DGKB: variants seen among roughly 807,000 people sequenced by gnomAD.
DGKB encodes 90 kDa diacylglycerol kinase.
Under a neutral mutation model 114.3 loss-of-function variants are expected in DGKB, and 67 were observed. That is an observed-to-expected ratio of 0.59 (90% CI 0.48 to 0.72). The LOEUF is 0.72. Ranked by LOEUF, DGKB falls within the 30% of genes least tolerant of loss-of-function variation. The pLI is 0.00. For missense variants in DGKB, 907 were observed against 975.2 expected, an observed-to-expected ratio of 0.93 and a Z score of 0.93; for synonymous variants, 398 against 323.1, an observed-to-expected ratio of 1.23 and a Z score of -2.49.
intron 13 of DGKB, among the ~76,000 whole-genome samples, chr7:14,644,884 C>A (rs1388008345): frequency 6.6e-6 from 1 of 152,078 alleles, no homozygotes; most frequent in Non-Finnish European, 1.5e-5. Flanking sequence ...TTAAAAAGGT[C>A]CTATCGATGG....
chr7:14,919,481 A>T (rs965549502), intron 1 of DGKB, among the ~76,000 whole-genome samples: 11 of 152,190 alleles, frequency 7.2e-5, no homozygotes, highest in Non-Finnish European at 1.3e-4. Flanking sequence ...TTTCACAAAA[A>T]ATAATTCAAA....
chr7:14,227,214 AC>A (rs1790941172), intron 23 of DGKB, among the ~76,000 whole-genome samples: 1 of 152,040 alleles, frequency 6.6e-6, no homozygotes, highest in Non-Finnish European at 1.5e-5. Context: ...ATCCTGATGA[AC>A]TTTTGTTCAA....
intron 13 of DGKB, among the ~76,000 whole-genome samples, chr7:14,636,519 T>C (rs557635787): frequency 2.0e-5 from 3 of 151,870 alleles, no homozygotes; most frequent in Non-Finnish European, 3.0e-5. Context: ...GAAACTTTGC[T>C]ATGTAATGTT....
chr7:14,759,317 A>G (rs1378333742), intron 2 of DGKB, among the ~76,000 whole-genome samples: 3 of 152,166 alleles, frequency 2.0e-5, no homozygotes. Context: ...TTTTTAGCAT[A>G]TTCATGATGT....
intron 20 of DGKB, among the ~76,000 whole-genome samples, chr7:14,481,659 A>G (rs1423715752): frequency 1.3e-5 from 2 of 151,988 alleles, no homozygotes; most frequent in Admixed American, 1.3e-4. Flanking sequence ...CCAAAATCTA[A>G]TTTTAGAATT....
intron 20 of DGKB, among the ~76,000 whole-genome samples, chr7:14,497,347 T>C (rs1785456768): frequency 6.6e-6 from 1 of 151,656 alleles, no homozygotes; most frequent in Non-Finnish European, 1.5e-5. Flanking sequence ...AAATAAAAAT[T>C]TTAAAATAAA....
intron 17 of DGKB, among the ~76,000 whole-genome samples, chr7:14,603,450 C>T (rs1051521637): frequency 2.0e-5 from 3 of 151,832 alleles, no homozygotes; most frequent in South Asian, 2.1e-4. Context: ...AGGTCATAAG[C>T]TCTGATTTTC....
At chr7:14,939,420 T>C (rs36880) in intron 1 of DGKB, among the ~76,000 whole-genome samples, 18,678 of 152,020 alleles carry the variant, frequency 0.12, 1,543 homozygotes, top group Non-Finnish European at 0.19. Flanking sequence ...AAATCCCCTC[T>C]CCTGTTGTGA....
intron 23 of DGKB, among the ~76,000 whole-genome samples, chr7:14,219,758 T>C (rs1789617795): frequency 6.6e-6 from 1 of 151,776 alleles, no homozygotes; most frequent in Non-Finnish European, 1.5e-5. Flanking sequence ...TCCTTTGAAA[T>C]GCAAGTTTTA....
Position 14,937,338 on chromosome 7 carries a change from A to G in DGKB, c.-188+37358T>C, listed in dbSNP as rs528967674. 5.7e-4 allele frequency among the ~76,000 whole-genome samples: 86 copies of G among 152,186 alleles called. 1 individual carries two copies. Among genetic ancestry groups the G allele is most frequent in the African/African-American group, 1.9e-3 (79 of 41,550 alleles). On this transcript the variant is annotated intron_variant, in intron 1 of 4. Transcript: ENST00000437998. ...CTCCTTTCAAAGAAAGGAGACAATC[A>G]TGTATATCTATATTTACAAGAATCC...
At chr7:14,479,915 G>A (rs559796212) in intron 20 of DGKB, among the ~76,000 whole-genome samples, 1 of 152,168 alleles carries the variant, frequency 6.6e-6, no homozygotes, top group Admixed American at 6.6e-5. Context: ...AAAGGAATAT[G>A]AATCAAACAC....
chr7:14,894,561 C>T (rs966435704), intron 1 of DGKB, among the ~76,000 whole-genome samples: 1 of 151,454 alleles, frequency 6.6e-6, no homozygotes, highest in Non-Finnish European at 1.5e-5. Context: ...CATTGCCTAG[C>T]CATAAAGAAT....
intron 23 of DGKB, among the ~76,000 whole-genome samples, chr7:14,271,468 C>T (rs1351235348): frequency 6.6e-6 from 1 of 152,162 alleles, no homozygotes; most frequent in Non-Finnish European, 1.5e-5. Flanking sequence ...TGTACACATA[C>T]ATTTTAGCAC....
intron 13 of DGKB, among the ~76,000 whole-genome samples, chr7:14,664,865 A>G (rs1330951339): frequency 6.6e-6 from 1 of 151,820 alleles, no homozygotes; most frequent in Non-Finnish European, 1.5e-5. Flanking sequence ...CATTGTCTTT[A>G]GTAAAAATTA....
chr7:14,708,900 C>T (rs1206328509), intron 6 of DGKB, among the ~76,000 whole-genome samples: 3 of 151,372 alleles, frequency 2.0e-5, no homozygotes, highest in East Asian at 3.9e-4. Flanking sequence ...GGGACATAGG[C>T]ATGGGCAAGG....
At chr7:14,957,338 G>C (rs1003958266) in intron 1 of DGKB, among the ~76,000 whole-genome samples, 15 of 152,106 alleles carry the variant, frequency 9.9e-5, no homozygotes, top group African/African-American at 3.6e-4. Context: ...GTTATTTATT[G>C]TGTGGTACCA....
At chr7:14,747,484 TA>T (rs1397535046) in intron 4 of DGKB, among the ~76,000 whole-genome samples, 2 of 152,174 alleles carry the variant, frequency 1.3e-5, no homozygotes, top group Admixed American at 1.3e-4. Context: ...AAATATCTCC[TA>T]AAATTCTATG....
At chr7:14,172,884 C>G (rs955936950) in intron 25 of DGKB, among the ~76,000 whole-genome samples, 12 of 152,032 alleles carry the variant, frequency 7.9e-5, no homozygotes, top group Non-Finnish European at 1.6e-4. Flanking sequence ...TTCTTCTTCC[C>G]ATTATAAGAA....
chr7:14,767,336 C>T lies in DGKB; in HGVS notation c.71-9605G>A, dbSNP rs565818370. Among the ~76,000 whole-genome samples, 57 of 151,878 alleles carry T rather than the reference C, an allele frequency of 3.8e-4. No homozygotes were observed. In the South Asian group the frequency reaches 0.012, roughly 31 times the overall value. On this transcript the variant is annotated intron_variant, in intron 2 of 25. Coordinates refer to ENST00000402815, the MANE Select transcript of DGKB (RefSeq NM_001350709.2). ...TGGACAGTTTACCTAAGTAGGAAGG[C>T]AGATTGACAAGTGCTGCTTAATTAC...
Sources: gnomAD v4.1 joint callset for allele counts (sites outside exome capture counted in the v4.1 genomes callset) on GRCh38, gnomAD v4.1.1 for gene constraint, MANE v1.5 for transcripts, NCBI Gene and HGNC (gene_info 2026-07-23, HGNC 2026-07-21) for gene names.